The following ABI2 variants were observed in gnomAD, a reference collection of about 807,000 sequenced individuals.
ABI2 encodes abl interactor 2.
ABI2 carries 25 observed loss-of-function variants against 59.2 expected under a neutral mutation model. That is an observed-to-expected ratio of 0.42 (90% CI 0.31 to 0.59). ABI2 has a LOEUF of 0.59. ABI2 is among the 20% of genes least tolerant of loss of function. The pLI, the probability that ABI2 is intolerant of heterozygous loss-of-function variation, is 0.14. For missense variants in ABI2, 545 were observed against 681.8 expected, an observed-to-expected ratio of 0.80 and a Z score of 2.23; for synonymous variants, 213 against 235.5, an observed-to-expected ratio of 0.90 and a Z score of 0.87.
chr2:203,342,392 G>A (rs1157075288), intron 1 of ABI2, among the ~76,000 whole-genome samples: 1 of 151,966 alleles, frequency 6.6e-6, no homozygotes, highest in African/African-American at 2.4e-5. Flanking sequence ...TGTGTTGAAG[G>A]CTTTTCATAA....
Position 203,380,080 on chromosome 2 carries a change from A to T in ABI2, c.286-128A>T, listed in dbSNP as rs563435995. On this transcript the variant is annotated intron_variant, in intron 2 of 11. Transcript: ENST00000261018. ...ATGGAGAAAATCAGTAGTCCAGAAG[A>T]ATAAAAATTTAGCAAGCATAGTTTA... 1.6e-3 allele frequency: 995 copies of T among 606,034 alleles called. 1 individual carries two copies. Among genetic ancestry groups the T allele is most frequent in the Middle Eastern group, 7.7e-3 (16 of 2,068 alleles). 37.5% of individuals were successfully genotyped at this position (606,034 alleles called of 1,614,324 possible).
intron 2 of ABI2, among the ~76,000 whole-genome samples, chr2:203,373,488 A>G (rs995764145): frequency 5.3e-5 from 8 of 150,012 alleles, no homozygotes; most frequent in African/African-American, 2.0e-4. Context: ...GGCCGTGGGG[A>G]GAGGGAGAGG....
intron 1 of ABI2, among the ~76,000 whole-genome samples, chr2:203,335,866 TA>T (rs2076224624): frequency 6.6e-6 from 1 of 152,206 alleles, no homozygotes; most frequent in East Asian, 1.9e-4. Context: ...TTTTTAGGTG[TA>T]AAGGTTTATG....
At chr2:203,388,258 T>C (rs1002088729) in intron 4 of ABI2, among the ~76,000 whole-genome samples, 2 of 152,220 alleles carry the variant, frequency 1.3e-5, no homozygotes, top group Non-Finnish European at 2.9e-5. Context: ...GGTATAAAAT[T>C]AGATTGTTTG....
intron 1 of ABI2, 177 bp downstream of exon 1, chr2:203,328,808 C>T: frequency 4.9e-6 from 2 of 409,896 alleles, no homozygotes; most frequent in Admixed American, 9.0e-5. Context: ...GCTGGAGAAA[C>T]TGCATTTTAA....
intron 1 of ABI2, among the ~76,000 whole-genome samples, chr2:203,358,115 T>TG (rs57591649): frequency 0.019 from 1,215 of 63,230 alleles, 7 homozygotes; most frequent in African/African-American, 0.042. Context: ...GTGTGTGTGT[T>TG]TGTTTGTTTG....
intron 1 of ABI2, among the ~76,000 whole-genome samples, chr2:203,347,716 A>G (rs2084594877): frequency 6.6e-6 from 1 of 152,234 alleles, no homozygotes; most frequent in Non-Finnish European, 1.5e-5. Context: ...ATTATACGAC[A>G]CATAACTTAT....
At chr2:203,419,145 T>G (rs1321884541) in intron 11 of ABI2, among the ~76,000 whole-genome samples, 1 of 150,898 alleles carries the variant, frequency 6.6e-6, no homozygotes, top group Non-Finnish European at 1.5e-5. Flanking sequence ...GTTTCGCTCT[T>G]GTTGCCCAGG....
intron 1 of ABI2, chr2:203,329,340 A>AG (rs2071166075): frequency 9.2e-6 from 1 of 108,538 alleles, no homozygotes; most frequent in Non-Finnish European, 1.9e-5. Context: ...CTCCTGGTTT[A>AG]ATTTTTTTTT....
At chr2:203,379,998 G>A (rs929735408) in intron 2 of ABI2, among the ~76,000 whole-genome samples, 3 of 152,176 alleles carry the variant, frequency 2.0e-5, no homozygotes, top group Non-Finnish European at 2.9e-5. Context: ...AAAATCAGAT[G>A]ATGGGCCAGA....
Position 203,405,119 on chromosome 2 carries a change from G to T in ABI2, c.1192+2385G>T, listed in dbSNP as rs1206595163. On this transcript the variant is annotated intron_variant, in intron 9 of 11. Coordinates refer to ENST00000261018, the MANE Select transcript of ABI2 (RefSeq NM_001375670.1). The stretch of plus-strand genomic sequence containing the variant: ...AAGTAAGGTGAATTGGGATTGTTAG[G>T]CTTTCTGTGTAATGTGTGAGTCAAT... 3.3e-5 allele frequency among the ~76,000 whole-genome samples: 5 copies of T among 152,130 alleles called. No individual in the cohort carries two copies. The East Asian group carries it at 9.6e-4, about 29-fold the overall frequency.
Position 203,383,949 on chromosome 2 carries a change from C to G in ABI2, c.480+1743C>G, listed in dbSNP as rs146269176. Among the ~76,000 whole-genome samples the G allele has an allele frequency of 3.1e-3, 465 of 151,900 alleles. 3 individuals carry two copies. The highest frequency in any genetic ancestry group is 0.01 in the African/African-American group (434 of 41,460). ...ACTTTTTATACTTTTCAGACAGTCTCCAGAGAAAGTCATCATACTTTAGGA... is the reference window on the plus strand; with the variant it reads ...ACTTTTTATACTTTTCAGACAGTCTGCAGAGAAAGTCATCATACTTTAGGA... On this transcript the variant is annotated intron_variant, in intron 4 of 11. Transcript: ENST00000261018.
intron 4 of ABI2, among the ~76,000 whole-genome samples, chr2:203,383,847 C>T (rs1380382851): frequency 6.6e-6 from 1 of 152,106 alleles, no homozygotes; most frequent in Non-Finnish European, 1.5e-5. Flanking sequence ...AAGACCTAGT[C>T]GTTTTTCTTT....
intron 1 of ABI2, among the ~76,000 whole-genome samples, chr2:203,336,832 G>GTA: frequency 6.6e-6 from 1 of 152,264 alleles, no homozygotes; most frequent in Non-Finnish European, 1.5e-5. Flanking sequence ...GATTATTACC[G>GTA]TATGGTAAAT....
At chr2:203,377,884 C>T (rs931628118) in intron 2 of ABI2, among the ~76,000 whole-genome samples, 6 of 152,024 alleles carry the variant, frequency 3.9e-5, no homozygotes, top group Admixed American at 2.0e-4. Context: ...CCAGCCTGGG[C>T]GACAGAGTGA....
At chr2:203,351,849 T>G in intron 1 of ABI2, among the ~76,000 whole-genome samples, 1 of 152,136 alleles carries the variant, frequency 6.6e-6, no homozygotes, top group East Asian at 1.9e-4. Flanking sequence ...TTTCAGTGTT[T>G]CAGTCTCGTA....
At position 203,402,567 on chromosome 2, in the gene ABI2, C is replaced by A; in HGVS notation, c.1034-9C>A. 1 of 1,469,720 alleles carries A rather than the reference C, an allele frequency of 6.8e-7. No homozygotes were observed. Among genetic ancestry groups the A allele is most frequent in the South Asian group, 1.5e-5 (1 of 67,520 alleles). 91.0% of individuals were successfully genotyped at this position (1,469,720 alleles called of 1,614,324 possible). A position where few individuals can be genotyped will look rare whatever the true frequency, so the allele number is the denominator to read the frequency against. On this transcript the variant is annotated splice_polypyrimidine_tract_variant and intron_variant, in intron 8 of 11. Coordinates refer to ENST00000261018, the MANE Select transcript of ABI2 (RefSeq NM_001375670.1). ...TTAATGACATATGTATGTTCTATCT[C>A]TTTTTCAGGTCATCCTGTACAGTTC...
chr2:203,427,149 C>T, intron 11 of ABI2, 28 bp from the exon 12 acceptor site: 1 of 1,599,982 alleles, frequency 6.3e-7, no homozygotes, highest in Middle Eastern at 1.7e-4. Flanking sequence ...CTGTCTTTCA[C>T]ATCCTGTTTT....
intron 1 of ABI2, among the ~76,000 whole-genome samples, chr2:203,361,466 TC>T (rs1553551682): frequency 6.6e-6 from 1 of 152,136 alleles, no homozygotes; most frequent in Non-Finnish European, 1.5e-5. Flanking sequence ...AGACCCTGTC[TC>T]AGAAAAGAAA....
Sources: gnomAD v4.1 joint callset for allele counts (sites outside exome capture counted in the v4.1 genomes callset) on GRCh38, gnomAD v4.1.1 for gene constraint, MANE v1.5 for transcripts, NCBI Gene and HGNC (gene_info 2026-07-23, HGNC 2026-07-21) for gene names.